The following ANK3 variants were observed in gnomAD, a reference collection of about 807,000 sequenced individuals.
The protein encoded by ANK3 is ankyrin-3.
Under a neutral mutation model 370.9 loss-of-function variants are expected in ANK3, and 57 were observed. That is an observed-to-expected ratio of 0.15 (90% CI 0.12 to 0.19). The LOEUF is 0.19. Among genes scored for constraint, ANK3 ranks in the 10% least tolerant of loss-of-function variants. The probability of loss-of-function intolerance (pLI) is 1.00; values close to 1 mark genes in which losing one functional copy is unlikely to be tolerated. For missense variants in ANK3, 4,439 were observed against 5,302.1 expected, an observed-to-expected ratio of 0.84 and a Z score of 5.06; for synonymous variants, 1,929 against 1,946.3, an observed-to-expected ratio of 0.99 and a Z score of 0.23.
intron 1 of ANK3, among the ~76,000 whole-genome samples, chr10:60,284,426 G>A (rs558474423): frequency 6.6e-6 from 1 of 152,262 alleles, no homozygotes; most frequent in Admixed American, 6.5e-5. Flanking sequence ...TTGAGCTGCA[G>A]GATGAGTGAC....
intron 2 of ANK3, among the ~76,000 whole-genome samples, chr10:60,474,450 G>T (rs1005258471): frequency 6.6e-6 from 1 of 152,080 alleles, no homozygotes; most frequent in African/African-American, 2.4e-5. Context: ...AGATGCCTCC[G>T]CCTCTCTCTG....
At chr10:60,112,123 T>C (rs1042710519) in intron 26 of ANK3, among the ~76,000 whole-genome samples, 1 of 152,224 alleles carries the variant, frequency 6.6e-6, no homozygotes, top group African/African-American at 2.4e-5. Context: ...AATACTTCAT[T>C]GTTTTTAATG....
chr10:60,079,223 A>ACACACACACC (rs1564852491), intron 36 of ANK3, among the ~76,000 whole-genome samples: 1 of 147,666 alleles, frequency 6.8e-6, no homozygotes, highest in African/African-American at 2.5e-5. Context: ...ACACACACAC[A>ACACACACACC]CACCCCTCTT....
At chr10:60,578,569 T>C (rs192330803) in intron 2 of ANK3, among the ~76,000 whole-genome samples, 318 of 152,336 alleles carry the variant, frequency 2.1e-3, no homozygotes, top group Non-Finnish European at 3.9e-3. Context: ...GCAATGCTCA[T>C]ATTAAAATGA....
At chr10:60,264,138 A>G in intron 5 of ANK3, 118 bp from the exon 6 acceptor site, 4 of 786,228 alleles carry the variant, frequency 5.1e-6, no homozygotes, top group Non-Finnish European at 7.8e-6. Flanking sequence ...GATTATTAAA[A>G]CTAACAACAT....
intron 7 of ANK3, among the ~76,000 whole-genome samples, chr10:60,247,456 C>A (rs2097573851): frequency 6.6e-6 from 1 of 152,178 alleles, no homozygotes; most frequent in African/African-American, 2.4e-5. Context: ...ATTCTGCAAT[C>A]AGTCTCCAAA....
At chr10:60,264,870 G>C (rs573089295) in intron 5 of ANK3, among the ~76,000 whole-genome samples, 2 of 152,204 alleles carry the variant, frequency 1.3e-5, no homozygotes, top group East Asian at 1.9e-4. Flanking sequence ...AAGGTCTCTA[G>C]AGCTAAGAGA....
intron 2 of ANK3, among the ~76,000 whole-genome samples, chr10:60,432,039 G>C (rs2064038393): frequency 6.6e-6 from 1 of 152,174 alleles, no homozygotes; most frequent in Non-Finnish European, 1.5e-5. Context: ...TGTCTGAAGA[G>C]GTGATCAATA....
intron 38 of ANK3, 64 bp from the exon 39 acceptor site, chr10:60,064,352 G>C (rs948889640): frequency 5.5e-6 from 8 of 1,467,510 alleles, no homozygotes; most frequent in Non-Finnish European, 7.3e-6. Context: ...TTTCATAAAA[G>C]TAATGCTCAA....
chr10:60,582,358 C>A (rs1383606813), intron 2 of ANK3, among the ~76,000 whole-genome samples: 1 of 152,182 alleles, frequency 6.6e-6, no homozygotes, highest in Non-Finnish European at 1.5e-5. Context: ...GTACATCTTC[C>A]TGAGGCATTT....
intron 2 of ANK3, among the ~76,000 whole-genome samples, chr10:60,453,038 T>C (rs117134049): frequency 0.011 from 1,673 of 152,324 alleles, 20 homozygotes; most frequent in Non-Finnish European, 0.018. Flanking sequence ...TTTGTAGTTT[T>C]AAAGAAAACT....
At chr10:60,693,056 C>T (rs562489981) in intron 1 of ANK3, among the ~76,000 whole-genome samples, 29 of 152,278 alleles carry the variant, frequency 1.9e-4, no homozygotes, top group South Asian at 1.7e-3. Context: ...GCACCATGCA[C>T]GAGCCGAAGC....
chr10:60,498,760 T>A (rs539527142), intron 2 of ANK3, among the ~76,000 whole-genome samples: 1 of 152,236 alleles, frequency 6.6e-6, no homozygotes, highest in Non-Finnish European at 1.5e-5. Context: ...TGTCTTTAAC[T>A]GACTTGACTG....
intron 1 of ANK3, among the ~76,000 whole-genome samples, chr10:60,678,097 A>C (rs1234376632): frequency 6.6e-6 from 1 of 152,250 alleles, no homozygotes; most frequent in Non-Finnish European, 1.5e-5. Flanking sequence ...AGGCACGGTA[A>C]CTTAGAATAA....
chr10:60,420,625 G>A (rs1001243608), intron 2 of ANK3, among the ~76,000 whole-genome samples: 12 of 152,008 alleles, frequency 7.9e-5, no homozygotes, highest in African/African-American at 2.9e-4. Flanking sequence ...ATTGTGCCTT[G>A]AATTAGTCTG....
chr10:60,141,106 T>C, intron 23 of ANK3: 1 of 838,604 alleles, frequency 1.2e-6, no homozygotes, highest in Non-Finnish European at 1.4e-6. Flanking sequence ...TGAGTTGAGG[T>C]TGTGAAACTG....
Position 60,733,297 on chromosome 10 carries a change from G to A in ANK3, c.23C>T (p.Ser8Phe), listed in dbSNP as rs1046465080. ...AGCGGAGTCCTCGGTGCCCGCGGGA[G>A]AGGAGGAGGCGGAGGAGGCCATGTT... Residue 8 changes from serine (S) to phenylalanine (F), a missense_variant, in exon 1 of 44, where the codon TCT becomes TTT. Transcript: ENST00000373827. 7.3e-6 allele frequency: 9 copies of A among 1,238,282 alleles called. No individual in the cohort carries two copies. In the African/African-American group the frequency reaches 1.4e-4, roughly 19 times the overall value. The allele number at this position is 1,238,282 out of a possible 1,614,324, so 76.7% of individuals were successfully genotyped here. A position where few individuals can be genotyped will look rare whatever the true frequency, so the allele number is the denominator to read the frequency against.
chr10:60,196,787 C>T (rs1036745906), intron 14 of ANK3, among the ~76,000 whole-genome samples, 162 bp from the exon 15 acceptor site: 1 of 152,138 alleles, frequency 6.6e-6, no homozygotes, highest in African/African-American at 2.4e-5. Context: ...GTGAAGTCTG[C>T]ATTTAAAGTC....
intron 1 of ANK3, among the ~76,000 whole-genome samples, chr10:60,687,533 A>ACACAC (rs375712984): frequency 1.5e-5 from 1 of 68,508 alleles, no homozygotes; most frequent in African/African-American, 4.8e-5. Context: ...GGTATAAAAA[A>ACACAC]AAACACACAC....
Sources: gnomAD v4.1 joint callset for allele counts (sites outside exome capture counted in the v4.1 genomes callset) on GRCh38, gnomAD v4.1.1 for gene constraint, MANE v1.5 for transcripts, NCBI Gene and HGNC (gene_info 2026-07-23, HGNC 2026-07-21) for gene names.